HNRNPD: variants seen among roughly 807,000 people sequenced by gnomAD.
HNRNPD encodes the protein heterogeneous nuclear ribonucleoprotein D0.
HNRNPD carries 3 observed loss-of-function variants against 47.9 expected under a neutral mutation model. The observed-to-expected ratio is 0.06, with a 90% CI of 0.03 to 0.16. The LOEUF (loss-of-function observed/expected upper bound fraction) is 0.16. Ranked by LOEUF, HNRNPD falls within the 10% of genes least tolerant of loss-of-function variation. The probability of loss-of-function intolerance (pLI) is 1.00; values close to 1 mark genes in which losing one functional copy is unlikely to be tolerated. For synonymous variants in HNRNPD, 171 were observed against 165.1 expected (o/e 1.04, Z -0.28); for missense variants, 287 against 454.2 (o/e 0.63, Z 3.35).
chr4:82,364,619 A>G (rs1181609972), intron 2 of HNRNPD, among the ~76,000 whole-genome samples: 1 of 152,208 alleles, frequency 6.6e-6, no homozygotes, highest in Admixed American at 6.5e-5. Flanking sequence ...CAATGCTGCC[A>G]ACTTGAAATA....
Position 82,373,503 on chromosome 4 carries a change from C to T in HNRNPD, c.176G>A (p.Gly59Asp). Residue 59 changes from glycine to aspartate, a missense_variant, in exon 1 of 9, where the codon GGC (glycine) becomes GAC (aspartate). By Grantham distance (94) the Gly-to-Asp change is moderately conservative. Around this residue, in one of 5 missense-constraint regions of HNRNPD, gnomAD observed 161 missense variants for 137.1 expected, o/e 1.17. Transcript: ENST00000313899. The stretch of plus-strand genomic sequence containing the variant: ...CTTCGCCCCCTCCGACTCGGCGCTG[C>T]CCCCTTCGGTGCCTCCAGACGCGGT... ...GGTASGGTEG[G>D]SAESEGAKID... 6.5e-7 allele frequency: 1 copy of T among 1,549,476 alleles called. No homozygotes were observed. Among genetic ancestry groups the T allele is most frequent in the Non-Finnish European group, 8.7e-7 (1 of 1,146,094 alleles).
rs779528856 is a variant in HNRNPD, at chr4:82,355,360, G to A, written c.1042C>T (p.His348Tyr). 2 of 1,613,570 alleles carry A rather than the reference G, an allele frequency of 1.2e-6. No homozygotes were observed. The highest frequency in any genetic ancestry group is 2.7e-5 in the African/African-American group (2 of 74,898). Reference protein sequence around the residue: ...GYGKVSRRGGHQNSYKPY With the variant: ...GYGKVSRRGGYQNSYKPY Reference sequence around the variant, plus strand: ...TAGTATGGTTTGTAGCTATTTTGATGACCACCTCGCCTGGATACCTTCCCA... The same window carrying A: ...TAGTATGGTTTGTAGCTATTTTGATAACCACCTCGCCTGGATACCTTCCCA... Residue 348 changes from histidine (H) to tyrosine (Y), a missense_variant, in exon 8 of 9, where the codon CAT becomes TAT. Around this residue, in one of 5 missense-constraint regions of HNRNPD, gnomAD observed 65 missense variants for 107.1 expected, o/e 0.61. Coordinates refer to ENST00000313899, the MANE Select transcript of HNRNPD (RefSeq NM_031370.3).
intron 3 of HNRNPD, among the ~76,000 whole-genome samples, chr4:82,359,217 C>A (rs553366311): frequency 6.6e-6 from 1 of 152,188 alleles, no homozygotes; most frequent in South Asian, 2.1e-4. Context: ...AAAACACATC[C>A]TTTTAACTAG....
chr4:82,355,596 T>C (rs1341808181), intron 7 of HNRNPD, 195 bp from the exon 8 acceptor site: 7 of 576,130 alleles, frequency 1.2e-5, no homozygotes, highest in Non-Finnish European at 2.1e-5. Context: ...GCATTCAGAA[T>C]GAGCTGATTA....
chr4:82,367,041 T>TTTTTTG, intron 2 of HNRNPD, among the ~76,000 whole-genome samples: 1 of 151,588 alleles, frequency 6.6e-6, no homozygotes, highest in Non-Finnish European at 1.5e-5. Context: ...TTTTTTTTTT[T>TTTTTTG]TTTTTAAAGA....
Position 82,353,240 on chromosome 4 carries a change from G to A in HNRNPD, c.*945C>T, listed in dbSNP as rs1311237662. 1 of 152,074 alleles carries A rather than the reference G, an allele frequency of 6.6e-6. No homozygotes were observed. The highest frequency in any genetic ancestry group is 1.5e-5 in the Non-Finnish European group (1 of 68,004). 9.4% of individuals were successfully genotyped at this position (152,074 alleles called of 1,614,324 possible). On this transcript the variant is annotated 3_prime_UTR_variant, in exon 9 of 9. Transcript: ENST00000313899. ...TTAGGCACACATACTAATAATCACA[G>A]TCCTGAAATTTTAAGGCCCTAACCA... is the stretch of plus-strand genomic sequence containing the variant.
intron 1 of HNRNPD, among the ~76,000 whole-genome samples, chr4:82,372,603 T>C (rs1020113486): frequency 3.9e-5 from 6 of 152,102 alleles, no homozygotes; most frequent in East Asian, 1.9e-4. Flanking sequence ...GGGAACCCAA[T>C]AGCTGAGGGC....
rs1353770643 is a variant in HNRNPD, at chr4:82,373,783, T to A, written c.-105A>T. ...GCCGCTGCCGCGCGCCCGCTCTACC[T>A]CGCGAAGCACACAAGACAGGGAAGG... On this transcript the variant is annotated 5_prime_UTR_variant, in exon 1 of 9. Coordinates refer to ENST00000313899, the MANE Select transcript of HNRNPD (RefSeq NM_031370.3). The A allele has an allele frequency of 1.3e-6, 2 of 1,523,948 alleles. No individual in the cohort carries two copies. The highest frequency in any genetic ancestry group is 1.4e-5 in the African/African-American group (1 of 71,242). 94.4% of individuals were successfully genotyped at this position (1,523,948 alleles called of 1,614,324 possible).
At chr4:82,371,709 T>C (rs538223386) in intron 1 of HNRNPD, 125 bp from the exon 2 acceptor site, 1 of 658,478 alleles carries the variant, frequency 1.5e-6, no homozygotes, top group South Asian at 2.2e-5. Flanking sequence ...TCAGCTGCTT[T>C]GCGATTTGAA....
intron 2 of HNRNPD, among the ~76,000 whole-genome samples, chr4:82,365,515 T>C (rs1719705453): frequency 6.6e-6 from 1 of 152,056 alleles, no homozygotes; most frequent in South Asian, 2.1e-4. Context: ...TTTTACAAGT[T>C]GTATGAAAAC....
intron 2 of HNRNPD, among the ~76,000 whole-genome samples, chr4:82,370,522 CCA>C (rs1248132808): frequency 9.2e-6 from 1 of 109,088 alleles, no homozygotes; most frequent in Non-Finnish European, 1.9e-5. Flanking sequence ...AACTGTGACC[CCA>C]GTCTTTTTTT....
chr4:82,358,512 TG>T (rs1723823960), intron 4 of HNRNPD, 146 bp downstream of exon 4: 1 of 688,578 alleles, frequency 1.5e-6, no homozygotes, highest in East Asian at 2.6e-5. Context: ...GACCTGCTAA[TG>T]AAGTATTTAC....
At chr4:82,362,814 G>T (rs1719542157) in intron 2 of HNRNPD, among the ~76,000 whole-genome samples, 2 of 152,070 alleles carry the variant, frequency 1.3e-5, no homozygotes, top group South Asian at 2.1e-4. Flanking sequence ...TGGCCAGGCT[G>T]GTCTTGAACT....
In HNRNPD at chr4:82,355,392, C is replaced by T; in HGVS notation, c.1010G>A (p.Ser337Asn). 6.2e-7 allele frequency: 1 copy of T among 1,612,688 alleles called. No individual in the cohort carries two copies. Among genetic ancestry groups the T allele is most frequent in the Non-Finnish European group, 8.5e-7 (1 of 1,178,726 alleles). The change falls in exon 8 of 9, where the codon AGT becomes AAT. Residue 337 changes from serine to asparagine, a missense_variant. Ser to Asn is a conservative substitution (Grantham distance 46). Transcript: ENST00000313899. ...YGYGDYSNQQ[S>N]GYGKVSRRGG... ...TCGCCTGGATACCTTCCCATAACCACTCTGCTGGTCTAAAATAAAACAAGT... is the reference window on the plus strand; with the variant it reads ...TCGCCTGGATACCTTCCCATAACCATTCTGCTGGTCTAAAATAAAACAAGT...
At chr4:82,369,687 CA>C (rs60372443) in intron 2 of HNRNPD, among the ~76,000 whole-genome samples, 2,546 of 122,474 alleles carry the variant, frequency 0.021, 46 homozygotes, top group African/African-American at 0.069. Context: ...GTGCAGACAC[CA>C]AAAAAAAAAA....
chr4:82,358,862 A>T, intron 3 of HNRNPD, 42 bp from the exon 4 acceptor site: 1 of 1,410,758 alleles, frequency 7.1e-7, no homozygotes, highest in Non-Finnish European at 9.8e-7. Context: ...ATATATCTTA[A>T]CTGAAGTTCA....
chr4:82,365,422 G>A (rs746295542), intron 2 of HNRNPD, among the ~76,000 whole-genome samples: 5 of 151,778 alleles, frequency 3.3e-5, no homozygotes, highest in Non-Finnish European at 7.4e-5. Context: ...ATCCTAAAAT[G>A]ACAAACTAAA....
rs1270676693 is a variant in HNRNPD at position 82,352,622 on chromosome 4, T to G, written c.*1563A>C. On this transcript the variant is annotated 3_prime_UTR_variant, in exon 9 of 9. Coordinates refer to ENST00000313899, the MANE Select transcript of HNRNPD (RefSeq NM_031370.3). ...TTATTTTGACCATGAGTCAGCAAAC[T>G]TTTCTGTAAAGGGCCAGACTGTAAA... 2.0e-5 allele frequency: 3 copies of G among 152,144 alleles called. No homozygotes were observed. The highest frequency in any genetic ancestry group is 4.4e-5 in the Non-Finnish European group (3 of 68,020). The allele number at this position is 152,144 out of a possible 1,614,324, so 9.4% of individuals were successfully genotyped here. A position where few individuals can be genotyped will look rare whatever the true frequency, so the allele number is the denominator to read the frequency against.
chr4:82,373,681 T>G lies in HNRNPD; in HGVS notation c.-3A>C, dbSNP rs1164884620. The G allele has an allele frequency of 6.5e-6, 10 of 1,529,762 alleles. No homozygotes were observed. Among genetic ancestry groups the G allele is most frequent in the Non-Finnish European group, 8.7e-6 (10 of 1,145,016 alleles). 94.8% of individuals were successfully genotyped at this position (1,529,762 alleles called of 1,614,324 possible). On this transcript the variant is annotated 5_prime_UTR_variant, in exon 1 of 9. Transcript: ENST00000313899. ...CCGCCGAACTGCTCCTCCGACATAG[T>G]GCTAGTGTCTCCGCCGCTGCCGCCG...
Sources: allele counts gnomAD v4.1 joint callset (sites outside exome capture counted in the v4.1 genomes callset), GRCh38; gene constraint gnomAD v4.1.1; regional missense constraint gnomAD v4.1.1; transcripts MANE v1.5; gene names NCBI Gene and HGNC (gene_info 2026-07-23, HGNC 2026-07-21).